The following NUDCD3 variants were observed in gnomAD, a reference collection of about 807,000 sequenced individuals.
The protein encoded by NUDCD3 is nudC domain-containing protein 3.
Under a neutral mutation model 39.7 loss-of-function variants are expected in NUDCD3, and 13 were observed. That is an observed-to-expected ratio of 0.33 (90% CI 0.21 to 0.52). The LOEUF (loss-of-function observed/expected upper bound fraction) is 0.52, where lower values mean the gene tolerates loss of function less well. Among genes scored for constraint, NUDCD3 ranks in the 20% least tolerant of loss-of-function variants. The pLI is 0.96. For missense variants in NUDCD3, 453 were observed against 458.1 expected, an observed-to-expected ratio of 0.99 and a Z score of 0.10; for synonymous variants, 175 against 172.4, an observed-to-expected ratio of 1.02 and a Z score of -0.12.
Position 44,392,446 on chromosome 7 carries a change from T to A in NUDCD3, c.826A>T (p.Ile276Phe), listed in dbSNP as rs1416217621. The A allele has an allele frequency of 6.2e-7, 1 of 1,614,164 alleles. No homozygotes were observed. Among genetic ancestry groups the A allele is most frequent in the Non-Finnish European group, 8.5e-7 (1 of 1,180,012 alleles). ...TCGATGGGCTCTTCTCCCTCCAGGA[T>A]GGCGTTCCACCAATACTCGCCCACC... ...SKVGEYWWNA[I>F]LEGEEPIDID... The change falls in exon 5 of 6, where the codon ATC becomes TTC. Residue 276 changes from isoleucine to phenylalanine, a missense_variant. Coordinates refer to ENST00000355451, the MANE Select transcript of NUDCD3 (RefSeq NM_015332.4).
rs754361965 is a variant in NUDCD3 at position 44,490,430 on chromosome 7, G to C, written c.171C>G (p.Ala57=). ...TCACCTGCAGCACCAAGGCCTGCGC[G>C]GCCCCGGGCGGGAAGCCCATGCGGT... ...PSDRMGFPPG[A]AQALVLQVFK... Residue 57 remains alanine (A), a synonymous_variant, in exon 1 of 6, where the codon GCC becomes GCG. Transcript: ENST00000355451. 1.3e-6 allele frequency: 2 copies of C among 1,581,390 alleles called. No individual in the cohort carries two copies. The highest frequency in any genetic ancestry group is 1.7e-6 in the Non-Finnish European group (2 of 1,164,738).
chr7:44,436,562 GAAC>G (rs1380711354), intron 2 of NUDCD3, among the ~76,000 whole-genome samples: 29 of 152,318 alleles, frequency 1.9e-4, no homozygotes, highest in Admixed American at 1.6e-3. Flanking sequence ...TCATGCTACA[GAAC>G]TACAGGATCC....
intron 3 of NUDCD3, among the ~76,000 whole-genome samples, chr7:44,417,566 CTG>C (rs1272339603): frequency 1.1e-4 from 17 of 152,210 alleles, no homozygotes; most frequent in African/African-American, 3.4e-4. Context: ...GACCAGGAAA[CTG>C]TAAATTTTTT....
At chr7:44,410,937 G>C (rs1402711619) in intron 3 of NUDCD3, among the ~76,000 whole-genome samples, 2 of 152,126 alleles carry the variant, frequency 1.3e-5, no homozygotes, top group Non-Finnish European at 2.9e-5. Context: ...CTGCACTCCA[G>C]CCTGGCAACA....
Position 44,392,347 on chromosome 7 carries a change from TA to T in NUDCD3, c.924del (p.Thr309ProfsTer17). On this transcript the variant is annotated frameshift_variant, in exon 5 of 6. Transcript: ENST00000355451. LOFTEE classifies it high-confidence loss of function. ...DEEEQAVLDR[L>X]TFDYHQKLQG... ...TGCAGCTTCTGGTGGTAGTCAAAGG[TA>T]AGCCTGTCCAACACCGCCTGTTCCT... The T allele has an allele frequency of 1.2e-6, 2 of 1,614,066 alleles. No homozygotes were observed. The highest frequency in any genetic ancestry group is 1.7e-6 in the Non-Finnish European group (2 of 1,179,998).
At chr7:44,468,208 C>T (rs749623198) in intron 2 of NUDCD3, 2 of 1,599,324 alleles carry the variant, frequency 1.3e-6, no homozygotes, top group Admixed American at 3.3e-5. Flanking sequence ...ACAATGTTTC[C>T]TCCAAGAACC....
At chr7:44,483,621 T>A (rs867033852) in intron 2 of NUDCD3, among the ~76,000 whole-genome samples, 1 of 152,212 alleles carries the variant, frequency 6.6e-6, no homozygotes, top group South Asian at 2.1e-4. Flanking sequence ...AACAATTGTT[T>A]TCTTCGAACT....
In NUDCD3 at chr7:44,382,465, G is replaced by T. The variant is rs1314406614; in HGVS notation, c.*3546C>A. The T allele has an allele frequency of 6.6e-6, 1 of 152,344 alleles. No homozygotes were observed. Among genetic ancestry groups the T allele is most frequent in the East Asian group, 1.9e-4 (1 of 5,184 alleles). 9.4% of individuals were successfully genotyped at this position (152,344 alleles called of 1,614,324 possible). The stretch of plus-strand genomic sequence containing the variant: ...ACACTGTCCTCACCAGGACTGGCAG[G>T]GGAAGCCCCAGGGCTTTGTGACCCT... On this transcript the variant is annotated 3_prime_UTR_variant, in exon 6 of 6. Transcript: ENST00000355451.
chr7:44,396,488 T>C (rs1230531937), intron 4 of NUDCD3, among the ~76,000 whole-genome samples: 1 of 152,224 alleles, frequency 6.6e-6, no homozygotes, highest in South Asian at 2.1e-4. Context: ...AACATCGTTA[T>C]TGACTTGCCT....
intron 2 of NUDCD3, chr7:44,484,620 T>C (rs1800566123): frequency 4.8e-6 from 1 of 206,876 alleles, no homozygotes; most frequent in African/African-American, 2.3e-5. Flanking sequence ...ATCCTAGCAG[T>C]GCTCCTGCAG....
intron 2 of NUDCD3, among the ~76,000 whole-genome samples, chr7:44,483,245 GTCTAC>G (rs2116981948): frequency 1.3e-5 from 2 of 152,192 alleles, no homozygotes; most frequent in East Asian, 3.9e-4. Flanking sequence ...AACAAAGAAT[GTCTAC>G]TCACTTCTCA....
chr7:44,461,276 G>C (rs1800006617), intron 2 of NUDCD3, among the ~76,000 whole-genome samples: 1 of 152,204 alleles, frequency 6.6e-6, no homozygotes, highest in African/African-American at 2.4e-5. Context: ...ACATGGGATT[G>C]CAACAGTTTG....
rs542420515 is a variant in NUDCD3, at chr7:44,401,276, G to A, written c.786+3164C>T. Among the ~76,000 whole-genome samples, 6 of 152,274 alleles carry A rather than the reference G, an allele frequency of 3.9e-5. No individual in the cohort carries two copies. In the East Asian group the frequency reaches 5.8e-4, roughly 15 times the overall value. On this transcript the variant is annotated intron_variant, in intron 4 of 5. Transcript: ENST00000355451. ...AGGATCTTCGTGAATCAAAGCAATC[G>A]GCTCATTAATTCACAATATTATCTC...
At chr7:44,412,926 C>CAAAAAAAAAAA (rs767754442) in intron 3 of NUDCD3, among the ~76,000 whole-genome samples, 39 of 43,696 alleles carry the variant, frequency 8.9e-4, no homozygotes, top group African/African-American at 1.9e-3. Flanking sequence ...GACGCCGTCT[C>CAAAAAAAAAAA]AAAAAAAAAA....
chr7:44,427,190 T>G (rs1443804202), intron 3 of NUDCD3, among the ~76,000 whole-genome samples: 1 of 152,146 alleles, frequency 6.6e-6, no homozygotes, highest in Non-Finnish European at 1.5e-5. Context: ...AAAAGAGAAT[T>G]CACCAAGGTA....
At chr7:44,463,743 G>A (rs957052564) in intron 2 of NUDCD3, among the ~76,000 whole-genome samples, 1 of 152,006 alleles carries the variant, frequency 6.6e-6, no homozygotes, top group African/African-American at 2.4e-5. Context: ...TTATCTCTGG[G>A]AGAATACTGG....
rs1478934681 is a variant in NUDCD3 at position 44,485,012 on chromosome 7, A to G, written c.465T>C (p.Val155=). 13 of 1,613,996 alleles carry G rather than the reference A, an allele frequency of 8.1e-6. No homozygotes were observed. The Admixed American group carries it at 2.2e-4, about 27-fold the overall frequency. The change falls in exon 2 of 6, where the codon GTT becomes GTC. Residue 155 remains valine, a synonymous_variant. Coordinates refer to ENST00000355451, the MANE Select transcript of NUDCD3 (RefSeq NM_015332.4). ...GSQEAEAPGA[V]AGAAEVPREP... ...CCCTAGGGACTTCAGCAGCACCAGC[A>G]ACTGCTCCTGGAGCTTCTGCCTCCT...
intron 2 of NUDCD3, among the ~76,000 whole-genome samples, chr7:44,479,496 T>C (rs1800444954): frequency 6.6e-6 from 1 of 152,188 alleles, no homozygotes; most frequent in Non-Finnish European, 1.5e-5. Flanking sequence ...AAAATACATA[T>C]ATACAAAATA....
chr7:44,417,190 C>T (rs1256793801), intron 3 of NUDCD3, among the ~76,000 whole-genome samples: 2 of 152,272 alleles, frequency 1.3e-5, no homozygotes, highest in Non-Finnish European at 1.5e-5. Context: ...TAGAATGAGC[C>T]AAATCCAGGG....
Sources: allele counts gnomAD v4.1 joint callset (sites outside exome capture counted in the v4.1 genomes callset), GRCh38; gene constraint gnomAD v4.1.1; transcripts MANE v1.5; gene names NCBI Gene and HGNC (gene_info 2026-07-23, HGNC 2026-07-21).